The following TATDN2 variants were observed in gnomAD, a reference collection of about 807,000 sequenced individuals.
TATDN2 encodes 3'-5' RNA nuclease TATDN2.
TATDN2 carries 44 observed loss-of-function variants against 60.3 expected under a neutral mutation model. That is an observed-to-expected ratio of 0.73 (90% CI 0.57 to 0.94). The LOEUF (loss-of-function observed/expected upper bound fraction) is 0.94. TATDN2 is among the 40% of genes least tolerant of loss of function. The probability of loss-of-function intolerance (pLI) is 0.00; values close to 1 mark genes in which losing one functional copy is unlikely to be tolerated. For missense variants in TATDN2, 997 were observed against 948.0 expected (o/e 1.05, Z -0.68); for synonymous variants, 399 against 355.8 (o/e 1.12, Z -1.37).
intron 3 of TATDN2, among the ~76,000 whole-genome samples, chr3:10,268,321 A>G (rs1210968364): frequency 6.6e-6 from 1 of 152,242 alleles, no homozygotes; most frequent in Non-Finnish European, 1.5e-5. Context: ...AAATATTAGT[A>G]CAGCCAACAT....
At chr3:10,275,889 G>A (rs1176692682) in intron 4 of TATDN2, among the ~76,000 whole-genome samples, 3 of 152,286 alleles carry the variant, frequency 2.0e-5, no homozygotes, top group East Asian at 1.9e-4. Flanking sequence ...ACGCCCTGCC[G>A]TCCCCAACAG....
At chr3:10,262,527 CT>C (rs60747520) in intron 3 of TATDN2, among the ~76,000 whole-genome samples, 1,530 of 59,852 alleles carry the variant, frequency 0.026, 11 homozygotes, top group African/African-American at 0.1. Context: ...TTCTTCTGGG[CT>C]TTTTTTTTTT....
chr3:10,266,731 G>GTA (rs1698480447), intron 3 of TATDN2, among the ~76,000 whole-genome samples: 1 of 152,170 alleles, frequency 6.6e-6, no homozygotes, highest in Admixed American at 6.5e-5. Context: ...CAGGCATGGT[G>GTA]TTGTTCAGTG....
chr3:10,258,767 GC>G (rs557651210), intron 2 of TATDN2, among the ~76,000 whole-genome samples: 43 of 152,182 alleles, frequency 2.8e-4, no homozygotes, highest in African/African-American at 1.0e-3. Flanking sequence ...ACTGCTCCCA[GC>G]CGAGCCTAAG....
chr3:10,279,106 G>A, intron 7 of TATDN2, 43 bp downstream of exon 7: 1 of 1,522,084 alleles, frequency 6.6e-7, no homozygotes, highest in Non-Finnish European at 8.9e-7. Flanking sequence ...ACCAGGACAA[G>A]TCTTTTGTTG....
chr3:10,274,091 T>C (rs1247325265), intron 4 of TATDN2, among the ~76,000 whole-genome samples: 1 of 152,120 alleles, frequency 6.6e-6, no homozygotes, highest in African/African-American at 2.4e-5. Context: ...TAGAAGTGAG[T>C]AATTATACTG....
intron 5 of TATDN2, among the ~76,000 whole-genome samples, chr3:10,277,878 G>A (rs1698661785): frequency 6.6e-6 from 1 of 152,194 alleles, no homozygotes; most frequent in African/African-American, 2.4e-5. Flanking sequence ...CGACTCCCCA[G>A]TATTTTGTTA....
At chr3:10,258,432 C>T (rs1329139001) in intron 2 of TATDN2, among the ~76,000 whole-genome samples, 2 of 151,934 alleles carry the variant, frequency 1.3e-5, no homozygotes, top group African/African-American at 4.8e-5. Context: ...CATGTGCCAC[C>T]ACGCCTGGCT....
chr3:10,267,987 C>T (rs772575300), intron 3 of TATDN2, among the ~76,000 whole-genome samples: 18 of 152,044 alleles, frequency 1.2e-4, no homozygotes, highest in Non-Finnish European at 1.8e-4. Flanking sequence ...CTGTTATAAC[C>T]GAGATAGTTT....
At chr3:10,265,044 G>GTTT (rs747922225) in intron 3 of TATDN2, among the ~76,000 whole-genome samples, 1 of 109,744 alleles carries the variant, frequency 9.1e-6, no homozygotes. Flanking sequence ...CCTGTGCGTG[G>GTTT]TTTTTTTTTT....
rs201114165 is a variant in TATDN2 at position 10,249,508 on chromosome 3, T to G, written c.308T>G (p.Ile103Ser). Residue 103 changes from isoleucine (I) to serine (S), a missense_variant, in exon 2 of 8, where the codon ATT becomes AGT. Coordinates refer to ENST00000448281, the MANE Select transcript of TATDN2 (RefSeq NM_014760.4). ...GGGGCCGCCTCCAAAGGCTGCCTGA[T>G]TCGGAACACTCGGGGGTTCCTGTCT... ...VGGAASKGCL[I>S]RNTRGFLSSG... 6 of 1,610,424 alleles carry G rather than the reference T, an allele frequency of 3.7e-6. No individual in the cohort carries two copies. In the East Asian group the frequency reaches 1.3e-4, roughly 36 times the overall value.
intron 2 of TATDN2, among the ~76,000 whole-genome samples, 158 bp downstream of exon 2, chr3:10,249,772 A>T (rs1698193781): frequency 6.6e-6 from 1 of 152,212 alleles, no homozygotes; most frequent in Non-Finnish European, 1.5e-5. Context: ...TCGAAGACCT[A>T]GCAGTCTTCC....
intron 2 of TATDN2, among the ~76,000 whole-genome samples, chr3:10,252,005 G>C (rs141765071): frequency 1.3e-5 from 2 of 151,648 alleles, no homozygotes; most frequent in Non-Finnish European, 1.5e-5. Flanking sequence ...AAAGTTAGCC[G>C]GGCATGGTGG....
At chr3:10,254,948 T>C (rs537850904) in intron 2 of TATDN2, among the ~76,000 whole-genome samples, 3 of 152,044 alleles carry the variant, frequency 2.0e-5, no homozygotes, top group Non-Finnish European at 2.9e-5. Context: ...TCCTCCAGCC[T>C]AGGAGAGTGT....
At position 10,276,421 on chromosome 3, in the gene TATDN2, C is replaced by G. The variant is rs995846510; in HGVS notation, c.1894C>G (p.Arg632Gly). ...SLKKPLVIHC[R>G]EADEDLLEIM... The stretch of plus-strand genomic sequence containing the variant: ...AAAGAAGCCCTTGGTGATCCACTGC[C>G]GAGAAGCTGATGAAGATCTGCTAGA... Residue 632 changes from arginine to glycine, a missense_variant, in exon 5 of 8, where the codon CGA (arginine) becomes GGA (glycine). Transcript: ENST00000448281. 6.2e-7 allele frequency: 1 copy of G among 1,613,868 alleles called. No homozygotes were observed. Among genetic ancestry groups the G allele is most frequent in the Admixed American group, 1.7e-5 (1 of 59,996 alleles).
intron 3 of TATDN2, 25 bp downstream of exon 3, chr3:10,260,695 C>G (rs2125174696): frequency 1.3e-6 from 2 of 1,593,536 alleles, no homozygotes; most frequent in Admixed American, 1.8e-5. Flanking sequence ...TACCAGGCAT[C>G]TGACTTTTTA....
At chr3:10,277,921 A>T (rs1001191155) in intron 5 of TATDN2, among the ~76,000 whole-genome samples, 1 of 152,090 alleles carries the variant, frequency 6.6e-6, no homozygotes, top group Non-Finnish European at 1.5e-5. Flanking sequence ...CTACTTGGGC[A>T]TAGTTTTTAT....
chr3:10,255,451 G>A (rs761740415), intron 2 of TATDN2, among the ~76,000 whole-genome samples: 3 of 151,994 alleles, frequency 2.0e-5, no homozygotes, highest in African/African-American at 4.8e-5. Flanking sequence ...GAAGTATGAC[G>A]GCTGTAGCAC....
At chr3:10,249,789 G>T (rs1287999829) in intron 2 of TATDN2, among the ~76,000 whole-genome samples, 175 bp downstream of exon 2, 1 of 152,188 alleles carries the variant, frequency 6.6e-6, no homozygotes, top group African/African-American at 2.4e-5. Context: ...TTCCAGGCGC[G>T]TGGCCTGAAG....
Sources: gnomAD v4.1 joint callset for allele counts (sites outside exome capture counted in the v4.1 genomes callset) on GRCh38, gnomAD v4.1.1 for gene constraint, MANE v1.5 for transcripts, NCBI Gene and HGNC (gene_info 2026-07-23, HGNC 2026-07-21) for gene names.